Variants in COL28A1 observed in about 807,000 individuals in gnomAD.
COL28A1 encodes collagen type XXVIII alpha 1 chain, also known as collagen alpha-1(XXVIII) chain.
COL28A1 carries 161 observed loss-of-function variants against 150.2 expected under a neutral mutation model. That is an observed-to-expected ratio of 1.07 (90% CI 0.94 to 1.22). The LOEUF (loss-of-function observed/expected upper bound fraction) is 1.22, where lower values mean the gene tolerates loss of function less well. Among genes scored for constraint, COL28A1 ranks in the 50% most tolerant of loss-of-function variants. The pLI, the probability that COL28A1 is intolerant of heterozygous loss-of-function variation, is 0.00. For synonymous variants in COL28A1, 552 were observed against 469.7 expected, an observed-to-expected ratio of 1.18 and a Z score of -2.26; for missense variants, 1,617 against 1,388.3, an observed-to-expected ratio of 1.16 and a Z score of -2.62.
In COL28A1 at chr7:7,380,670, A is replaced by G; in HGVS notation, c.2312T>C (p.Leu771Pro). The change falls in exon 30 of 35, where the codon CTA (leucine) becomes CCA (proline). Residue 771 changes from leucine to proline, a missense_variant. Coordinates refer to ENST00000399429, the MANE Select transcript of COL28A1 (RefSeq NM_001037763.3). ...KQGLQGPKGD[L>P]GLTKEEIIKL... The stretch of plus-strand genomic sequence containing the variant: ...AGAATGGATACTCACTGTAAGTCCT[A>G]GGTCTCCTTTGGGTCCTTGTAAACC... 1.2e-6 allele frequency: 2 copies of G among 1,613,616 alleles called. No homozygotes were observed. Among genetic ancestry groups the G allele is most frequent in the South Asian group, 2.2e-5 (2 of 91,064 alleles).
intron 31 of COL28A1, among the ~76,000 whole-genome samples, chr7:7,374,198 G>A (rs1781424912): frequency 6.6e-6 from 1 of 151,950 alleles, no homozygotes; most frequent in African/African-American, 2.4e-5. Flanking sequence ...CTCTCCCAGA[G>A]AGGTAACCAC....
Position 7,417,936 on chromosome 7 carries a change from A to G in COL28A1, c.2068-9T>C, listed in dbSNP as rs1319213446. 4.4e-6 allele frequency: 7 copies of G among 1,601,046 alleles called. No individual in the cohort carries two copies. In the Admixed American group the frequency reaches 1.2e-4, roughly 28 times the overall value. Reference sequence around the variant, plus strand: ...TTCTGCCCAGTATCACCCTGTTAGAAGATGGGGAGAATTTGAAGACAAAAT... The same window carrying G: ...TTCTGCCCAGTATCACCCTGTTAGAGGATGGGGAGAATTTGAAGACAAAAT... On this transcript the variant is annotated splice_polypyrimidine_tract_variant and intron_variant, in intron 26 of 34. Transcript: ENST00000399429.
chr7:7,407,472 A>C (rs1257906978), intron 27 of COL28A1, among the ~76,000 whole-genome samples: 4 of 152,162 alleles, frequency 2.6e-5, no homozygotes, highest in Non-Finnish European at 5.9e-5. Context: ...ATTACTGTGA[A>C]AGGAATAGAC....
At chr7:7,342,948 T>C in the COL28A1 span, among the ~76,000 whole-genome samples, 4 of 152,036 alleles carry the variant, frequency 2.6e-5, no homozygotes, top group Non-Finnish European at 5.9e-5. Flanking sequence ...CTCACTCTTT[T>C]TCATCAGTAA....
intron 9 of COL28A1, among the ~76,000 whole-genome samples, chr7:7,509,477 T>A (rs567350116): frequency 6.6e-6 from 1 of 152,350 alleles, no homozygotes; most frequent in East Asian, 1.9e-4. Flanking sequence ...TATCTCTTCA[T>A]GTTGTTCATA....
In COL28A1 at chr7:7,380,781, C is replaced by T. The variant is rs1329435703; in HGVS notation, c.2286+1G>A. On this transcript the variant is annotated splice_donor_variant, in intron 29 of 34. Transcript: ENST00000399429. LOFTEE classifies it high-confidence loss of function. The stretch of plus-strand genomic sequence containing the variant: ...ACAGTGAGACATTAAAAACTACTTG[C>T]CTGTTTTCCTGGAGATCCAGGCTCT... 1 of 1,613,588 alleles carries T rather than the reference C, an allele frequency of 6.2e-7. No individual in the cohort carries two copies. The highest frequency in any genetic ancestry group is 1.3e-5 in the African/African-American group (1 of 75,000).
intron 21 of COL28A1, among the ~76,000 whole-genome samples, chr7:7,440,313 C>T (rs1385949769): frequency 2.0e-5 from 3 of 152,212 alleles, no homozygotes; most frequent in African/African-American, 7.2e-5. Context: ...CACAACAACT[C>T]TGTGAAATAG....
intron 15 of COL28A1, among the ~76,000 whole-genome samples, chr7:7,460,432 A>G (rs1787516205): frequency 6.6e-6 from 1 of 151,716 alleles, no homozygotes; most frequent in Non-Finnish European, 1.5e-5. Context: ...CCCAGGCTGG[A>G]GTGCAGTGGT....
chr7:7,512,129 T>C (rs977928303), intron 8 of COL28A1, among the ~76,000 whole-genome samples: 2 of 152,100 alleles, frequency 1.3e-5, no homozygotes, highest in Admixed American at 1.3e-4. Context: ...AAGACAAATA[T>C]GGCATGATCT....
At chr7:7,391,609 T>C (rs950069319) in intron 27 of COL28A1, among the ~76,000 whole-genome samples, 2 of 152,182 alleles carry the variant, frequency 1.3e-5, no homozygotes, top group Non-Finnish European at 2.9e-5. Flanking sequence ...TGTGTGGGAA[T>C]CTAAGTCTCT....
intron 27 of COL28A1, among the ~76,000 whole-genome samples, chr7:7,383,682 G>GTATGTATATA (rs1554262304): frequency 8.1e-6 from 1 of 124,096 alleles, no homozygotes; most frequent in South Asian, 2.7e-4. Flanking sequence ...GTGTGTGTGT[G>GTATGTATATA]TATATATATA....
At chr7:7,372,919 T>C (rs1781310420) in intron 32 of COL28A1, 79 bp downstream of exon 32, 2 of 1,216,096 alleles carry the variant, frequency 1.6e-6, no homozygotes, top group African/African-American at 1.5e-5. Context: ...TTTTTCTATT[T>C]GGTCAGGACA....
chr7:7,388,951 G>A (rs920598659), intron 27 of COL28A1, among the ~76,000 whole-genome samples: 5 of 152,138 alleles, frequency 3.3e-5, no homozygotes, highest in Non-Finnish European at 7.4e-5. Context: ...TAGGTTGCCT[G>A]TTCACTCTGA....
chr7:7,398,552 CTAGAGT>C (rs1338330757), intron 27 of COL28A1, among the ~76,000 whole-genome samples: 1 of 152,116 alleles, frequency 6.6e-6, no homozygotes, highest in Non-Finnish European at 1.5e-5. Flanking sequence ...AGTTTAAGTC[CTAGAGT>C]TAAATACATG....
chr7:7,412,460 A>T (rs1032618535), intron 27 of COL28A1, among the ~76,000 whole-genome samples: 3 of 152,164 alleles, frequency 2.0e-5, no homozygotes, highest in African/African-American at 7.2e-5. Flanking sequence ...GCTTAAGAGC[A>T]TTAAATCACT....
chr7:7,481,729 A>C (rs1287766781), intron 13 of COL28A1, among the ~76,000 whole-genome samples: 5 of 152,232 alleles, frequency 3.3e-5, no homozygotes, highest in African/African-American at 1.2e-4. Context: ...TAGTAATCTC[A>C]ATAGTGTTAA....
intron 27 of COL28A1, among the ~76,000 whole-genome samples, chr7:7,411,811 T>C (rs900436626): frequency 2.6e-5 from 4 of 152,190 alleles, no homozygotes; most frequent in African/African-American, 9.7e-5. Context: ...CTTCTCTTTT[T>C]AGGATAGGAT....
At chr7:7,530,472 C>T (rs542200764) in intron 3 of COL28A1, among the ~76,000 whole-genome samples, 49 of 152,270 alleles carry the variant, frequency 3.2e-4, no homozygotes, top group Non-Finnish European at 5.3e-4. Context: ...CCATATGAAA[C>T]GCTCAGTACA....
chr7:7,393,407 T>C (rs989540253), intron 27 of COL28A1, among the ~76,000 whole-genome samples: 2 of 152,042 alleles, frequency 1.3e-5, no homozygotes, highest in African/African-American at 4.8e-5. Flanking sequence ...GTGGGAGGTG[T>C]CTCCCAGTCA....
Sources: allele counts gnomAD v4.1 joint callset (sites outside exome capture counted in the v4.1 genomes callset), GRCh38; gene constraint gnomAD v4.1.1; transcripts MANE v1.5; gene names NCBI Gene and HGNC (gene_info 2026-07-23, HGNC 2026-07-21).